The following PCDH15 variants were observed in gnomAD, a reference collection of about 807,000 sequenced individuals.
The protein encoded by PCDH15 is protocadherin-15.
In PCDH15, 129 loss-of-function variants were observed where a neutral mutation model predicts 178.5. The ratio of observed to expected loss-of-function variants is 0.72; its 90% CI spans 0.63 to 0.84. The LOEUF is 0.84. Ranked by LOEUF, PCDH15 falls within the 40% of genes least tolerant of loss-of-function variation. PCDH15 has a pLI of 0.00. For missense variants in PCDH15, 2,230 were observed against 2,099.9 expected, an observed-to-expected ratio of 1.06 and a Z score of -1.21; for synonymous variants, 800 against 732.0, an observed-to-expected ratio of 1.09 and a Z score of -1.50.
intron 2 of PCDH15, among the ~76,000 whole-genome samples, chr10:54,607,209 A>C (rs2092781524): frequency 6.6e-6 from 1 of 152,126 alleles, no homozygotes; most frequent in Admixed American, 6.6e-5. Context: ...TACTTTTTAC[A>C]TAAAGAAAAT....
At chr10:54,608,470 G>T (rs1699521105) in intron 2 of PCDH15, among the ~76,000 whole-genome samples, 1 of 151,938 alleles carries the variant, frequency 6.6e-6, no homozygotes, top group African/African-American at 2.4e-5. Flanking sequence ...AATTATCTGG[G>T]TGTGGTGACA....
At chr10:54,581,618 A>G (rs1203329050) in intron 2 of PCDH15, among the ~76,000 whole-genome samples, 2 of 152,122 alleles carry the variant, frequency 1.3e-5, no homozygotes, top group Non-Finnish European at 2.9e-5. Context: ...GAATAGCTAA[A>G]GGAAGGTAAA....
intron 2 of PCDH15, among the ~76,000 whole-genome samples, chr10:55,057,834 T>C (rs1451159100): frequency 6.6e-6 from 1 of 152,250 alleles, no homozygotes; most frequent in Non-Finnish European, 1.5e-5. Context: ...CTTATTGTTA[T>C]ACCTATTTTA....
At chr10:55,128,083 A>T (rs894919260) in intron 2 of PCDH15, among the ~76,000 whole-genome samples, 1 of 151,790 alleles carries the variant, frequency 6.6e-6, no homozygotes, top group Non-Finnish European at 1.5e-5. Flanking sequence ...CTGGATTCCT[A>T]ACTGCTTCCA....
At chr10:54,098,207 T>C (rs1299294098) in intron 15 of PCDH15, among the ~76,000 whole-genome samples, 1 of 146,998 alleles carries the variant, frequency 6.8e-6, no homozygotes, top group Non-Finnish European at 1.5e-5. Context: ...TGTGTGTGTG[T>C]GTGTGTGTGT....
intron 2 of PCDH15, among the ~76,000 whole-genome samples, chr10:55,008,261 A>AC (rs1306132120): frequency 6.6e-6 from 1 of 151,064 alleles, no homozygotes; most frequent in East Asian, 2.1e-4. Context: ...TGAAAAAAAA[A>AC]ACAACATTCT....
At chr10:53,976,400 G>A (rs1326774578) in intron 21 of PCDH15, among the ~76,000 whole-genome samples, 1 of 152,058 alleles carries the variant, frequency 6.6e-6, no homozygotes, top group African/African-American at 2.4e-5. Flanking sequence ...CCCTTCTCCT[G>A]AATGTTCTTT....
chr10:54,617,861 A>G (rs2093226101), intron 2 of PCDH15, among the ~76,000 whole-genome samples: 1 of 150,790 alleles, frequency 6.6e-6, no homozygotes, highest in South Asian at 2.1e-4. Context: ...GGAGGCAGAG[A>G]TCGCACTGAG....
chr10:53,938,093 C>G (rs2085731523), intron 25 of PCDH15, among the ~76,000 whole-genome samples: 1 of 151,944 alleles, frequency 6.6e-6, no homozygotes, highest in Admixed American at 6.6e-5. Context: ...GCATTTATTG[C>G]ATTATTGATA....
chr10:54,388,123 T>C (rs570761950), intron 3 of PCDH15, among the ~76,000 whole-genome samples: 13 of 152,312 alleles, frequency 8.5e-5, no homozygotes, highest in African/African-American at 2.9e-4. Context: ...TTACATCTGT[T>C]CCTCTTGCTT....
At chr10:55,066,043 T>G (rs1841556217) in intron 2 of PCDH15, among the ~76,000 whole-genome samples, 1 of 151,984 alleles carries the variant, frequency 6.6e-6, no homozygotes, top group South Asian at 2.1e-4. Context: ...ATTTACACAT[T>G]TATTTTTGTT....
intron 2 of PCDH15, among the ~76,000 whole-genome samples, chr10:54,957,935 G>A (rs923110992): frequency 6.6e-6 from 1 of 151,570 alleles, no homozygotes; most frequent in Non-Finnish European, 1.5e-5. Flanking sequence ...GAAAGCAAAA[G>A]GATGCCTCCT....
chr10:53,911,614 G>A (rs1029104095), intron 25 of PCDH15, among the ~76,000 whole-genome samples: 3 of 152,156 alleles, frequency 2.0e-5, no homozygotes, highest in Non-Finnish European at 4.4e-5. Flanking sequence ...AGAACTGAAG[G>A]AGATAGAAAC....
intron 26 of PCDH15, among the ~76,000 whole-genome samples, chr10:53,873,323 G>C (rs556007635): frequency 6.6e-6 from 1 of 152,190 alleles, no homozygotes; most frequent in African/African-American, 2.4e-5. Flanking sequence ...AAATTACCAA[G>C]TCCATTTATG....
At chr10:55,391,594 C>T (rs1011593178) in intron 2 of PCDH15, among the ~76,000 whole-genome samples, 1 of 152,056 alleles carries the variant, frequency 6.6e-6, no homozygotes, top group African/African-American at 2.4e-5. Context: ...TCAAGTGATT[C>T]TCTTGCCTCA....
chr10:54,261,370 T>G (rs1044142119), intron 8 of PCDH15, among the ~76,000 whole-genome samples: 1 of 152,052 alleles, frequency 6.6e-6, no homozygotes, highest in South Asian at 2.1e-4. Context: ...CCTATAATAA[T>G]ACTAATGAAA....
chr10:55,516,818 A>C (rs1367550577), intron 2 of PCDH15, among the ~76,000 whole-genome samples: 1 of 152,244 alleles, frequency 6.6e-6, no homozygotes, highest in Admixed American at 6.5e-5. Flanking sequence ...CAATTTAGGC[A>C]AAAAAATTTC....
intron 13 of PCDH15, among the ~76,000 whole-genome samples, chr10:54,167,424 C>A (rs1590909828): frequency 6.6e-6 from 1 of 152,036 alleles, no homozygotes. Context: ...ATCCGTGGAC[C>A]CAAAACTCCG....
chr10:54,443,305 A>G (rs2075950328), intron 3 of PCDH15, among the ~76,000 whole-genome samples: 1 of 151,454 alleles, frequency 6.6e-6, no homozygotes, highest in African/African-American at 2.4e-5. Flanking sequence ...TTCCTGTCTG[A>G]CATATTCTTC....
Sources: allele counts gnomAD v4.1 joint callset (sites outside exome capture counted in the v4.1 genomes callset), GRCh38; gene constraint gnomAD v4.1.1; transcripts MANE v1.5; gene names NCBI Gene and HGNC (gene_info 2026-07-23, HGNC 2026-07-21).